The following GPR160 variants were observed in gnomAD, a reference collection of about 807,000 sequenced individuals.
The protein encoded by GPR160 is G protein-coupled receptor 160.
Under a neutral mutation model 2.6 loss-of-function variants are expected in GPR160, and 2 were observed. The observed-to-expected ratio is 0.77, with a 90% CI of 0.32 to 2.44. The LOEUF is 2.44. Ranked by LOEUF, GPR160 falls within the 30% of genes most tolerant of loss-of-function variation. The pLI, the probability that GPR160 is intolerant of heterozygous loss-of-function variation, is 0.11. For missense variants in GPR160, 351 were observed against 383.6 expected (o/e 0.91, Z 0.71); for synonymous variants, 130 against 132.2 (o/e 0.98, Z 0.12).
At chr3:170,055,157 G>A (rs1711572852) in intron 2 of GPR160, among the ~76,000 whole-genome samples, 1 of 152,156 alleles carries the variant, frequency 6.6e-6, no homozygotes, top group African/African-American at 2.4e-5. Context: ...TCGTTCTTAG[G>A]AGATGTGTAT....
In GPR160 at chr3:170,080,671, G is replaced by C. The variant is rs35812014; in HGVS notation, c.-69+774G>C. Among the ~76,000 whole-genome samples the C allele has an allele frequency of 8.2e-3, 1,246 of 152,218 alleles. 6 individuals carry two copies. The highest frequency in any genetic ancestry group is 0.012 in the Non-Finnish European group (785 of 68,012). Reference sequence around the variant, plus strand: ...CCTGTCAAGAGTCAATGATGAAACGGGAACTTGGAAAACATCCCTTGGATG... The same window carrying C: ...CCTGTCAAGAGTCAATGATGAAACGCGAACTTGGAAAACATCCCTTGGATG... On this transcript the variant is annotated intron_variant, in intron 3 of 3. Transcript: ENST00000355897.
At chr3:170,071,920 G>A (rs1021117204) in intron 2 of GPR160, among the ~76,000 whole-genome samples, 1 of 152,072 alleles carries the variant, frequency 6.6e-6, no homozygotes, top group Non-Finnish European at 1.5e-5. Context: ...CCTGTGTGGA[G>A]CATATATTAA....
At chr3:170,074,574 T>C (rs1240384746) in intron 2 of GPR160, among the ~76,000 whole-genome samples, 1 of 151,744 alleles carries the variant, frequency 6.6e-6, no homozygotes, top group East Asian at 2.0e-4. Flanking sequence ...CTCCACCTCC[T>C]GGGCTCAAGC....
At chr3:170,039,840 G>A (rs1716372557) in intron 2 of GPR160, among the ~76,000 whole-genome samples, 1 of 152,246 alleles carries the variant, frequency 6.6e-6, no homozygotes, top group South Asian at 2.1e-4. Flanking sequence ...TAAAATCCCT[G>A]TAGAGACACA....
At chr3:170,067,773 G>A (rs909427603) in intron 2 of GPR160, among the ~76,000 whole-genome samples, 3 of 152,042 alleles carry the variant, frequency 2.0e-5, no homozygotes, top group Non-Finnish European at 4.4e-5. Flanking sequence ...AAAGTTATCT[G>A]GGATGTGTTT....
rs561911100 is a variant in GPR160 at position 170,070,006 on chromosome 3, G to A, written c.-192-9768G>A. 5.3e-5 allele frequency among the ~76,000 whole-genome samples: 8 copies of A among 152,148 alleles called. No homozygotes were observed. The South Asian group carries it at 1.5e-3, about 28-fold the overall frequency. On this transcript the variant is annotated intron_variant, in intron 2 of 3. Coordinates refer to ENST00000355897, the MANE Select transcript of GPR160 (RefSeq NM_014373.3). ...AGCATCCCTAGTATCATGTGTGTGT[G>A]TCCAAATTACCTCTTTAAAGGTCCT...
chr3:170,051,090 T>C (rs1716937533), intron 2 of GPR160, among the ~76,000 whole-genome samples: 2 of 152,232 alleles, frequency 1.3e-5, no homozygotes, highest in Admixed American at 1.3e-4. Context: ...TAACAGTGTA[T>C]GAGGATTCTC....
intron 2 of GPR160, among the ~76,000 whole-genome samples, chr3:170,049,534 G>A (rs1006557100): frequency 5.9e-5 from 9 of 152,200 alleles, no homozygotes; most frequent in South Asian, 2.1e-4. Context: ...TTAAAATGCC[G>A]CAGGAGTATA....
rs776695474 is a variant in GPR160, at chr3:170,084,486, C to T, written c.514C>T (p.Arg172Cys). 17 of 1,613,490 alleles carry T rather than the reference C, an allele frequency of 1.1e-5. No individual in the cohort carries two copies. In the South Asian group the frequency reaches 1.2e-4, roughly 11 times the overall value. ...CCTGAAGGCACAGAATGCTTATTCT[C>T]GTCACTGTCCTTTCTATGTCAGCAT... Reference protein sequence around the residue: ...QSLKAQNAYSRHCPFYVSIQS... With the variant: ...QSLKAQNAYSCHCPFYVSIQS... Residue 172 changes from arginine to cysteine, a missense_variant, in exon 4 of 4, where the codon CGT (arginine) becomes TGT (cysteine). Coordinates refer to ENST00000355897, the MANE Select transcript of GPR160 (RefSeq NM_014373.3).
chr3:170,062,716 G>T, intron 2 of GPR160: 1 of 1,335,746 alleles, frequency 7.5e-7, no homozygotes, highest in Non-Finnish European at 1.1e-6. Flanking sequence ...AAAAGCTCAA[G>T]GAAAAGTCGC....
intron 2 of GPR160, among the ~76,000 whole-genome samples, chr3:170,040,864 A>C (rs1053574066): frequency 2.0e-5 from 3 of 152,200 alleles, no homozygotes; most frequent in African/African-American, 7.2e-5. Context: ...AGCGATCATG[A>C]CATGTAAATA....
chr3:170,051,954 C>T (rs1280888283), intron 2 of GPR160, among the ~76,000 whole-genome samples: 1 of 152,140 alleles, frequency 6.6e-6, no homozygotes, highest in Non-Finnish European at 1.5e-5. Flanking sequence ...GAGATGGAGT[C>T]TCACTCTGTC....
chr3:170,061,483 GTT>G (rs1431846838), intron 2 of GPR160, among the ~76,000 whole-genome samples: 1 of 151,688 alleles, frequency 6.6e-6, no homozygotes, highest in East Asian at 1.9e-4. Flanking sequence ...TTATGGGACA[GTT>G]TTAATTAATG....
At chr3:170,045,070 T>C (rs1389389247) in intron 2 of GPR160, among the ~76,000 whole-genome samples, 1 of 152,162 alleles carries the variant, frequency 6.6e-6, no homozygotes. Context: ...CCCTGAGTTC[T>C]GCATTTTCTT....
chr3:170,066,354 T>C (rs1010244811), intron 2 of GPR160, among the ~76,000 whole-genome samples: 2 of 151,984 alleles, frequency 1.3e-5, no homozygotes, highest in Non-Finnish European at 2.9e-5. Context: ...TTAGCCAGGA[T>C]GGTCTCAATC....
chr3:170,064,514 CTTTTTTTTTTT>C (rs1175382810), intron 2 of GPR160, among the ~76,000 whole-genome samples: 1,181 of 81,048 alleles, frequency 0.015, 23 homozygotes, highest in African/African-American at 0.046. Flanking sequence ...CTTTTCTTTT[CTTTTTTTTTTT>C]TTTTTTTTTT....
chr3:170,058,036 G>A (rs188983081), intron 2 of GPR160: 1 of 152,320 alleles, frequency 6.6e-6, no homozygotes, highest in East Asian at 1.9e-4. Flanking sequence ...AATAAAGTAA[G>A]TATGTTTAGA....
At chr3:170,077,138 C>G (rs571992347) in intron 2 of GPR160, 3 of 152,298 alleles carry the variant, frequency 2.0e-5, no homozygotes, top group Non-Finnish European at 4.4e-5. Context: ...CTCCACTTAT[C>G]GGGCTCACCA....
In GPR160 at chr3:170,084,437, G is replaced by C; in HGVS notation, c.465G>C (p.Leu155Phe). 7 of 1,611,940 alleles carry C rather than the reference G, an allele frequency of 4.3e-6. No homozygotes were observed. Among genetic ancestry groups the C allele is most frequent in the Non-Finnish European group, 5.9e-6 (7 of 1,178,144 alleles). ...LIWISVLAYV[L>F]GDPAIYQSLK... ...GGATTTCAGTCCTTGCTTATGTTTT[G>C]GGAGACCCAGCCATCTACCAAAGCC... is the stretch of plus-strand genomic sequence containing the variant. Residue 155 changes from leucine (L) to phenylalanine (F), a missense_variant, in exon 4 of 4, where the codon TTG becomes TTC. Transcript: ENST00000355897.
Sources: gnomAD v4.1 joint callset for allele counts (sites outside exome capture counted in the v4.1 genomes callset) on GRCh38, gnomAD v4.1.1 for gene constraint, MANE v1.5 for transcripts, NCBI Gene and HGNC (gene_info 2026-07-23, HGNC 2026-07-21) for gene names.